The following SEC11A variants were observed in gnomAD, a reference collection of about 807,000 sequenced individuals.
The protein encoded by SEC11A is signal peptidase complex catalytic subunit SEC11A.
SEC11A carries 14 observed loss-of-function variants against 25.6 expected under a neutral mutation model. That is an observed-to-expected ratio of 0.55 (90% confidence interval 0.36 to 0.85). The LOEUF (loss-of-function observed/expected upper bound fraction) is 0.85, where lower values mean the gene tolerates loss of function less well. Among genes scored for constraint, SEC11A ranks in the 40% least tolerant of loss-of-function variants. The probability of loss-of-function intolerance (pLI) is 0.01; values close to 1 mark genes in which losing one functional copy is unlikely to be tolerated. For missense variants in SEC11A, 153 were observed against 222.9 expected, an observed-to-expected ratio of 0.69 and a Z score of 2.00; for synonymous variants, 83 against 76.4, an observed-to-expected ratio of 1.09 and a Z score of -0.45.
intron 1 of SEC11A, among the ~76,000 whole-genome samples, chr15:84,711,774 T>G: frequency 1.4e-5 from 1 of 70,740 alleles, no homozygotes; most frequent in East Asian, 4.7e-4. Flanking sequence ...AGAGCGAGAC[T>G]CTATCTCAAA....
chr15:84,671,682 A>C (rs1168475382), intron 4 of SEC11A: 1 of 152,240 alleles, frequency 6.6e-6, no homozygotes, highest in Non-Finnish European at 1.5e-5. Flanking sequence ...AGCTCTATAA[A>C]GGCAACAATG....
At chr15:84,687,347 T>C (rs761688024) in intron 3 of SEC11A, among the ~76,000 whole-genome samples, 18 of 152,200 alleles carry the variant, frequency 1.2e-4, no homozygotes, top group Non-Finnish European at 1.9e-4. Flanking sequence ...CTTTATGTCA[T>C]AGTTTTTTGG....
intron 1 of SEC11A, among the ~76,000 whole-genome samples, chr15:84,695,313 A>G (rs1289385451): frequency 1.3e-5 from 2 of 151,220 alleles, no homozygotes; most frequent in Admixed American, 6.6e-5. Context: ...AAAATACAAA[A>G]TTAGCTGGGC....
intron 1 of SEC11A, among the ~76,000 whole-genome samples, chr15:84,710,852 T>C (rs544933945): frequency 9.2e-4 from 140 of 152,032 alleles, no homozygotes; most frequent in Non-Finnish European, 1.8e-3. Flanking sequence ...GGTGGGCAGA[T>C]CACGAGGTCA....
intron 1 of SEC11A, among the ~76,000 whole-genome samples, chr15:84,700,897 T>C (rs1014510684): frequency 2.7e-5 from 4 of 149,258 alleles, no homozygotes; most frequent in Admixed American, 1.4e-4. Flanking sequence ...GCAGAGTCAC[T>C]TGAACCCGGA....
intron 3 of SEC11A, among the ~76,000 whole-genome samples, chr15:84,684,166 A>G (rs1029379847): frequency 2.0e-5 from 3 of 152,214 alleles, no homozygotes; most frequent in African/African-American, 7.2e-5. Context: ...ATCACATGCC[A>G]GTGTTCAGTA....
At chr15:84,691,496 T>C (rs1458790109) in intron 2 of SEC11A, 39 bp downstream of exon 2, 3 of 1,096,972 alleles carry the variant, frequency 2.7e-6, no homozygotes, top group Admixed American at 1.9e-5. Context: ...TCCCAAGTAA[T>C]GCCATGCAAT....
In SEC11A at chr15:84,680,821, T is replaced by C; in HGVS notation, c.323A>G (p.His108Arg). The C allele has an allele frequency of 6.2e-7, 1 of 1,608,324 alleles. No individual in the cohort carries two copies. The highest frequency in any genetic ancestry group is 8.5e-7 in the Non-Finnish European group (1 of 1,176,596). Residue 108 changes from histidine to arginine, a missense_variant, in exon 4 of 6, where the codon CAT (histidine) becomes CGT (arginine). By Grantham distance (29) the His-to-Arg change is conservative. Coordinates refer to ENST00000268220, the MANE Select transcript of SEC11A (RefSeq NM_014300.4). ...VLKIHEKQNGHIKFLTKGDNN... is the reference protein window; with the variant it reads ...VLKIHEKQNGRIKFLTKGDNN... ...ATCTCCTTTGGTCAAAAACTTGATA[T>C]GCCCATTTTGCCTTAAAAGAGTAAA...
chr15:84,675,853 G>C (rs1447070203), intron 4 of SEC11A, among the ~76,000 whole-genome samples: 1 of 152,136 alleles, frequency 6.6e-6, no homozygotes, highest in African/African-American at 2.4e-5. Context: ...GCTACGACAT[G>C]AATAAGCCTT....
At chr15:84,715,929 A>ACCCT (rs1318170283) in intron 1 of SEC11A, 96 bp downstream of exon 1, 1 of 1,156,936 alleles carries the variant, frequency 8.6e-7, no homozygotes, top group Non-Finnish European at 1.3e-6. Flanking sequence ...ACCAGCTCAG[A>ACCCT]CCCTCACACC....
intron 4 of SEC11A, among the ~76,000 whole-genome samples, chr15:84,674,809 C>T (rs1748135273): frequency 6.6e-6 from 1 of 152,214 alleles, no homozygotes; most frequent in Non-Finnish European, 1.5e-5. Flanking sequence ...GTTCTCCCAT[C>T]TTGGCCTCTT....
intron 4 of SEC11A, among the ~76,000 whole-genome samples, chr15:84,677,081 ACT>A (rs1041219426): frequency 7.3e-5 from 11 of 151,666 alleles, no homozygotes; most frequent in Non-Finnish European, 1.6e-4. Context: ...ATAGAGTGAG[ACT>A]CTGTCTCAAG....
chr15:84,687,522 A>G (rs1897463363), intron 3 of SEC11A, 103 bp downstream of exon 3: 1 of 903,022 alleles, frequency 1.1e-6, no homozygotes, highest in Non-Finnish European at 1.6e-6. Flanking sequence ...AAGAAGGCCT[A>G]GAGGTTCCTC....
At chr15:84,677,246 C>T (rs1440146261) in intron 4 of SEC11A, among the ~76,000 whole-genome samples, 2 of 151,916 alleles carry the variant, frequency 1.3e-5, no homozygotes. Context: ...TGTTCCATTA[C>T]GTGTCAAGCT....
chr15:84,712,454 T>C (rs1486904128), intron 1 of SEC11A, among the ~76,000 whole-genome samples: 3 of 150,464 alleles, frequency 2.0e-5, no homozygotes, highest in African/African-American at 7.3e-5. Flanking sequence ...TTTTTCTTTT[T>C]TTTTTTTTTT....
intron 4 of SEC11A, chr15:84,672,246 C>T: frequency 6.1e-6 from 1 of 164,284 alleles, no homozygotes. Flanking sequence ...TGACCATGCC[C>T]CTGCCCCTGC....
chr15:84,673,554 A>G (rs1897056960), intron 4 of SEC11A: 1 of 153,478 alleles, frequency 6.5e-6, no homozygotes, highest in African/African-American at 2.4e-5. Flanking sequence ...CTCCCATTCC[A>G]TACACTGGTG....
chr15:84,708,598 T>A (rs1038752141), intron 1 of SEC11A, among the ~76,000 whole-genome samples: 8 of 151,916 alleles, frequency 5.3e-5, no homozygotes. Flanking sequence ...AAATCTCAAC[T>A]CTACAAAAAA....
At chr15:84,672,706 C>G (rs112375734) in intron 4 of SEC11A, 1 of 178,920 alleles carries the variant, frequency 5.6e-6, no homozygotes, top group Non-Finnish European at 1.2e-5. Context: ...AAGTGAGGAG[C>G]GTCTCTGCCT....
Sources: allele counts gnomAD v4.1 joint callset (sites outside exome capture counted in the v4.1 genomes callset), GRCh38; gene constraint gnomAD v4.1.1; transcripts MANE v1.5; gene names NCBI Gene and HGNC (gene_info 2026-07-23, HGNC 2026-07-21).